The following ACMSD variants were observed in gnomAD, a reference collection of about 807,000 sequenced individuals.
ACMSD encodes aminocarboxymuconate semialdehyde decarboxylase, also known as 2-amino-3-carboxymuconate-6-semialdehyde decarboxylase.
A neutral mutation model predicts 45.9 loss-of-function variants in ACMSD; 37 were observed. The ratio of observed to expected loss-of-function variants is 0.81; its 90% CI spans 0.62 to 1.06. The LOEUF is 1.06. ACMSD is among the 50% of genes least tolerant of loss of function. The pLI, the probability that ACMSD is intolerant of heterozygous loss-of-function variation, is 0.00. For missense variants in ACMSD, 434 were observed against 420.9 expected, an observed-to-expected ratio of 1.03 and a Z score of -0.27; for synonymous variants, 138 against 148.8, an observed-to-expected ratio of 0.93 and a Z score of 0.53.
At chr2:134,860,153 C>A (rs897832130) in intron 3 of ACMSD, among the ~76,000 whole-genome samples, 3 of 152,208 alleles carry the variant, frequency 2.0e-5, no homozygotes, top group African/African-American at 7.2e-5. Flanking sequence ...ATCCCAGATG[C>A]TCAGGAGACA....
chr2:134,896,501 T>C (rs1369029394), intron 8 of ACMSD, among the ~76,000 whole-genome samples: 2 of 152,198 alleles, frequency 1.3e-5, no homozygotes, highest in Admixed American at 6.5e-5. Flanking sequence ...GGGATCTTAG[T>C]AGACATTTCT....
intron 8 of ACMSD, among the ~76,000 whole-genome samples, chr2:134,883,204 T>C (rs1401208775): frequency 6.6e-6 from 1 of 151,978 alleles, no homozygotes; most frequent in African/African-American, 2.4e-5. Flanking sequence ...AGCACAGATA[T>C]CTTTAAAAAC....
At chr2:134,846,485 C>T (rs1346310951) in intron 2 of ACMSD, among the ~76,000 whole-genome samples, 1 of 152,132 alleles carries the variant, frequency 6.6e-6, no homozygotes, top group East Asian at 1.9e-4. Context: ...TCACTTGCAG[C>T]CTCCAACTCT....
At chr2:134,881,857 C>T (rs942187108) in intron 8 of ACMSD, among the ~76,000 whole-genome samples, 3 of 152,064 alleles carry the variant, frequency 2.0e-5, no homozygotes, top group African/African-American at 7.2e-5. Context: ...CTGGATTACG[C>T]CTGTAATCCC....
rs59782657 is a variant in ACMSD at position 134,845,509 on chromosome 2, G to GTCTCTCTCTCTCTC, written c.102+265_102+278dup. ...TTGGAATTTGAGAACACATTAAAAG[G>GTCTCTCTCTCTCTC]TCTCTCTCTCTCTCTCTCTCTCTCT... On this transcript the variant is annotated intron_variant, in intron 2 of 9. Coordinates refer to ENST00000356140, the MANE Select transcript of ACMSD (RefSeq NM_138326.3). Among the ~76,000 whole-genome samples the GTCTCTCTCTCTCTC allele has an allele frequency of 1.5e-3, 143 of 94,426 alleles. 2 individuals are homozygous for GTCTCTCTCTCTCTC. The highest frequency in any genetic ancestry group is 7.9e-3 in the East Asian group (26 of 3,278). The allele number at this position is 94,426 out of a possible 152,430, so 61.9% of individuals were successfully genotyped here. A position where few individuals can be genotyped will look rare whatever the true frequency, so the allele number is the denominator to read the frequency against.
At chr2:134,895,209 G>A (rs1401561740) in intron 8 of ACMSD, among the ~76,000 whole-genome samples, 2 of 151,536 alleles carry the variant, frequency 1.3e-5, no homozygotes, top group Non-Finnish European at 2.9e-5. Flanking sequence ...GGGAGGCTAA[G>A]GTAGGAGAAT....
intron 8 of ACMSD, among the ~76,000 whole-genome samples, chr2:134,883,219 G>A (rs1036826596): frequency 1.3e-5 from 2 of 152,002 alleles, no homozygotes; most frequent in Non-Finnish European, 2.9e-5. Context: ...AAAAACTGGT[G>A]CATGATTATG....
intron 2 of ACMSD, among the ~76,000 whole-genome samples, chr2:134,845,849 G>A (rs1687030634): frequency 6.6e-6 from 1 of 152,138 alleles, no homozygotes. Flanking sequence ...CCCAGGGCAT[G>A]GGTCTGACTT....
chr2:134,899,659 T>C (rs1039351911), intron 9 of ACMSD, among the ~76,000 whole-genome samples: 1 of 152,152 alleles, frequency 6.6e-6, no homozygotes, highest in Non-Finnish European at 1.5e-5. Context: ...TTCTGTAATC[T>C]TGCATAAAGG....
chr2:134,875,832 A>G (rs1484914067), intron 8 of ACMSD, among the ~76,000 whole-genome samples: 1 of 152,170 alleles, frequency 6.6e-6, no homozygotes, highest in African/African-American at 2.4e-5. Flanking sequence ...AACAGTGGAG[A>G]TATGTTCTGA....
chr2:134,898,585 T>C (rs1055657265), intron 9 of ACMSD, 146 bp downstream of exon 9: 56 of 478,150 alleles, frequency 1.2e-4, no homozygotes, highest in South Asian at 1.9e-4. Flanking sequence ...TCTCCATAAA[T>C]AGCTAAACTA....
chr2:134,847,451 T>TAGATAGATAGATAG (rs1687118341), intron 2 of ACMSD, among the ~76,000 whole-genome samples: 1 of 143,862 alleles, frequency 7.0e-6, no homozygotes, highest in African/African-American at 2.5e-5. Flanking sequence ...TAGATAGATA[T>TAGATAGATAGATAG]AGATAGAGAT....
Position 134,839,918 on chromosome 2 carries a change from G to A in ACMSD, c.57+1179G>A, listed in dbSNP as rs149220461. Among the ~76,000 whole-genome samples the A allele has an allele frequency of 1.6e-3, 237 of 152,126 alleles. 1 individual carries two copies. Among genetic ancestry groups the A allele is most frequent in the Non-Finnish European group, 2.1e-3 (143 of 67,992 alleles). ...ATGTTAATGATTTCATGAAGGGAAT[G>A]CACCAGTTACTTTGTGGGAGTGCAT... On this transcript the variant is annotated intron_variant, in intron 1 of 9. Transcript: ENST00000356140.
At chr2:134,892,067 G>A (rs1348211645) in intron 8 of ACMSD, among the ~76,000 whole-genome samples, 1 of 152,090 alleles carries the variant, frequency 6.6e-6, no homozygotes, top group East Asian at 1.9e-4. Flanking sequence ...ATAGATACTG[G>A]GGACTTGGAA....
chr2:134,865,394 T>C (rs1039518759), intron 5 of ACMSD, among the ~76,000 whole-genome samples: 17 of 152,308 alleles, frequency 1.1e-4, no homozygotes, highest in African/African-American at 2.6e-4. Context: ...TTAGCATTCA[T>C]TGGATTTGGG....
intron 8 of ACMSD, 105 bp from the exon 9 acceptor site, chr2:134,898,236 G>C (rs569058214): frequency 3.3e-6 from 2 of 597,250 alleles, no homozygotes; most frequent in South Asian, 4.3e-5. Flanking sequence ...AGGAAAAAAT[G>C]TGTTATTTTT....
chr2:134,868,156 G>T (rs567042288), intron 6 of ACMSD, among the ~76,000 whole-genome samples: 2 of 152,184 alleles, frequency 1.3e-5, no homozygotes, highest in Non-Finnish European at 2.9e-5. Flanking sequence ...ATTAAAGGTA[G>T]AAGGTCAACT....
intron 5 of ACMSD, among the ~76,000 whole-genome samples, chr2:134,864,452 A>G (rs1688000742): frequency 1.3e-5 from 2 of 152,194 alleles, no homozygotes; most frequent in African/African-American, 4.8e-5. Flanking sequence ...CTTGATATAC[A>G]TATATCTATA....
At chr2:134,885,369 TTA>T (rs1480675959) in intron 8 of ACMSD, among the ~76,000 whole-genome samples, 25 of 101,304 alleles carry the variant, frequency 2.5e-4, no homozygotes, top group African/African-American at 9.4e-4. Context: ...TACATATATA[TTA>T]TATATAATAT....
Sources: gnomAD v4.1 joint callset for allele counts (sites outside exome capture counted in the v4.1 genomes callset) on GRCh38, gnomAD v4.1.1 for gene constraint, MANE v1.5 for transcripts, NCBI Gene and HGNC (gene_info 2026-07-23, HGNC 2026-07-21) for gene names.